The following PHF20 variants were observed in gnomAD, a reference collection of about 807,000 sequenced individuals.
PHF20 encodes the protein PHD finger protein 20.
In PHF20, 23 loss-of-function variants were observed where a neutral mutation model predicts 113.5. The observed-to-expected ratio is 0.20, with a 90% CI of 0.15 to 0.29. PHF20 has a LOEUF of 0.29. PHF20 is among the 10% of genes least tolerant of loss of function. The pLI is 1.00. For synonymous variants in PHF20, 434 were observed against 457.3 expected (o/e 0.95, Z 0.65); for missense variants, 943 against 1,219.6 (o/e 0.77, Z 3.38).
intron 14 of PHF20, 48 bp from the exon 15 acceptor site, chr20:35,931,201 G>T: frequency 7.4e-7 from 1 of 1,358,834 alleles, no homozygotes. Flanking sequence ...GAAATGGCCT[G>T]GGTTTCCTTC....
chr20:35,870,861 G>T, intron 7 of PHF20, 94 bp from the exon 8 acceptor site: 1 of 815,832 alleles, frequency 1.2e-6, no homozygotes. Flanking sequence ...TCTCTGTAAA[G>T]TCCTTTTAGA....
At chr20:35,830,731 A>C (rs1048467877) in intron 2 of PHF20, among the ~76,000 whole-genome samples, 4 of 150,264 alleles carry the variant, frequency 2.7e-5, no homozygotes, top group African/African-American at 7.4e-5. Flanking sequence ...TTTTCCCTTC[A>C]ACTTTTTTTT....
At chr20:35,805,072 T>C (rs2041856295) in intron 2 of PHF20, among the ~76,000 whole-genome samples, 1 of 151,672 alleles carries the variant, frequency 6.6e-6, no homozygotes, top group Non-Finnish European at 1.5e-5. Context: ...TGGCTATTTT[T>C]TTTTTATTTC....
intron 1 of PHF20, among the ~76,000 whole-genome samples, chr20:35,799,423 G>A (rs374091547): frequency 1.4e-4 from 21 of 151,140 alleles, no homozygotes; most frequent in East Asian, 3.9e-4. Flanking sequence ...CTATGATAGC[G>A]CCACTGCATT....
chr20:35,917,092 T>C (rs1265270769), intron 12 of PHF20: 13 of 346,174 alleles, frequency 3.8e-5, no homozygotes, highest in Middle Eastern at 1.0e-3. Context: ...AAGGTAGCTC[T>C]GGATACAGAC....
chr20:35,937,630 CTTAA>C (rs1200749185), intron 15 of PHF20, among the ~76,000 whole-genome samples: 1 of 152,114 alleles, frequency 6.6e-6, no homozygotes, highest in African/African-American at 2.4e-5. Flanking sequence ...CAGACTCTTC[CTTAA>C]TTTTCTCCTG....
intron 2 of PHF20, among the ~76,000 whole-genome samples, chr20:35,813,924 T>G (rs1370669347): frequency 2.1e-5 from 2 of 95,474 alleles, no homozygotes; most frequent in Non-Finnish European, 3.7e-5. Flanking sequence ...AGAGTGAGAC[T>G]CCGTCTCAGA....
rs961269305 is a variant in PHF20 at position 35,949,160 on chromosome 20, G to A, written c.*1533G>A. 5 of 152,720 alleles carry A rather than the reference G, an allele frequency of 3.3e-5. No homozygotes were observed. The highest frequency in any genetic ancestry group is 4.1e-4 in the South Asian group (2 of 4,830). The allele number at this position is 152,720 out of a possible 1,614,324, so 9.5% of individuals were successfully genotyped here. A position where few individuals can be genotyped will look rare whatever the true frequency, so the allele number is the denominator to read the frequency against. ...TAGCTGTCCATCAGAGAGAATACAC[G>A]TGGCTATAACATCTATAACAAAACG... On this transcript the variant is annotated 3_prime_UTR_variant, in exon 18 of 18. Coordinates refer to ENST00000374012, the MANE Select transcript of PHF20 (RefSeq NM_016436.5).
intron 6 of PHF20, among the ~76,000 whole-genome samples, chr20:35,867,562 G>A (rs531247395): frequency 6.6e-6 from 1 of 152,126 alleles, no homozygotes; most frequent in South Asian, 2.1e-4. Flanking sequence ...CACCCAGCCT[G>A]TTTGTATTTA....
chr20:35,839,565 G>T (rs927006989), intron 2 of PHF20, among the ~76,000 whole-genome samples: 5 of 152,042 alleles, frequency 3.3e-5, no homozygotes, highest in African/African-American at 1.2e-4. Context: ...GTGGATTTAG[G>T]GAATCCTCTC....
intron 13 of PHF20, among the ~76,000 whole-genome samples, chr20:35,920,068 C>T (rs1012986903): frequency 1.3e-5 from 2 of 152,196 alleles, no homozygotes; most frequent in African/African-American, 2.4e-5. Context: ...TAATCACTCC[C>T]GCAATCAAGG....
Position 35,811,116 on chromosome 20 carries a change from G to A in PHF20, c.83+9511G>A, listed in dbSNP as rs572895683. ...GGCTGGAGTGCAGTGGCGTGATCTC[G>A]GCTCACTGCAACCTCCGCCTCCAGG... On this transcript the variant is annotated intron_variant, in intron 2 of 17. Transcript: ENST00000374012. 3.9e-5 allele frequency among the ~76,000 whole-genome samples: 6 copies of A among 151,976 alleles called. No individual in the cohort carries two copies. The East Asian group carries it at 1.2e-3, about 29-fold the overall frequency.
chr20:35,886,458 A>C (rs1246620928), intron 9 of PHF20, among the ~76,000 whole-genome samples: 1 of 152,222 alleles, frequency 6.6e-6, no homozygotes, highest in Non-Finnish European at 1.5e-5. Context: ...TTGATGCTTC[A>C]AGCTGAAAAA....
chr20:35,863,644 A>G (rs2054259889), intron 6 of PHF20, among the ~76,000 whole-genome samples: 1 of 152,224 alleles, frequency 6.6e-6, no homozygotes, highest in African/African-American at 2.4e-5. Flanking sequence ...ACTGTTGACT[A>G]GATACTTCAG....
At chr20:35,799,247 C>G in intron 1 of PHF20, among the ~76,000 whole-genome samples, 1 of 143,762 alleles carries the variant, frequency 7.0e-6, no homozygotes, top group Admixed American at 7.3e-5. Flanking sequence ...ATTGCTTGAA[C>G]CCAGGAGTTT....
Position 35,810,302 on chromosome 20 carries a change from C to G in PHF20, c.83+8697C>G, listed in dbSNP as rs556253273. Among the ~76,000 whole-genome samples the G allele has an allele frequency of 2.3e-4, 35 of 152,302 alleles. 1 individual carries two copies. In the Middle Eastern group the frequency reaches 0.017, roughly 74 times the overall value. ...AATCCACGGACTGGATTGAGAACCT[C>G]TCTTCCAGTTCGGCAAGGTTTCCTC... On this transcript the variant is annotated intron_variant, in intron 2 of 17. Coordinates refer to ENST00000374012, the MANE Select transcript of PHF20 (RefSeq NM_016436.5).
intron 2 of PHF20, among the ~76,000 whole-genome samples, chr20:35,818,395 G>C (rs2042112719): frequency 6.6e-6 from 1 of 152,174 alleles, no homozygotes; most frequent in African/African-American, 2.4e-5. Context: ...TGAGTAGCTG[G>C]GACTACAGGC....
chr20:35,862,760 A>T lies in PHF20; in HGVS notation c.421-253A>T, dbSNP rs1600841740. On this transcript the variant is annotated intron_variant, in intron 5 of 17. Coordinates refer to ENST00000374012, the MANE Select transcript of PHF20 (RefSeq NM_016436.5). ...AAACAAAAACAAACAAAAACCCAGA[A>T]TTTTATTTTCTAGTGACTTATTCGT... 2.6e-5 allele frequency among the ~76,000 whole-genome samples: 4 copies of T among 152,220 alleles called. 1 individual carries two copies. Among genetic ancestry groups the T allele is most frequent in the Admixed American group, 2.6e-4 (4 of 15,278 alleles).
At chr20:35,930,783 G>T (rs2055737927) in intron 14 of PHF20, among the ~76,000 whole-genome samples, 1 of 152,192 alleles carries the variant, frequency 6.6e-6, no homozygotes, top group African/African-American at 2.4e-5. Context: ...TGAAGGTCTT[G>T]AGGCTGGAAA....
Sources: gnomAD v4.1 joint callset for allele counts (sites outside exome capture counted in the v4.1 genomes callset) on GRCh38, gnomAD v4.1.1 for gene constraint, MANE v1.5 for transcripts, NCBI Gene and HGNC (gene_info 2026-07-23, HGNC 2026-07-21) for gene names.